SLC4A10: variants seen among roughly 807,000 people sequenced by gnomAD.
The protein encoded by SLC4A10 is sodium-driven chloride bicarbonate exchanger.
A neutral mutation model predicts 137.7 loss-of-function variants in SLC4A10; 42 were observed. The ratio of observed to expected loss-of-function variants is 0.30; its 90% confidence interval spans 0.24 to 0.39. The LOEUF (loss-of-function observed/expected upper bound fraction) is 0.39, where lower values mean the gene tolerates loss of function less well. Among genes scored for constraint, SLC4A10 ranks in the 10% least tolerant of loss-of-function variants. The pLI is 1.00. For missense variants in SLC4A10, 925 were observed against 1,355.0 expected, an observed-to-expected ratio of 0.68 and a Z score of 4.98; for synonymous variants, 474 against 464.1, an observed-to-expected ratio of 1.02 and a Z score of -0.27.
At chr2:161,685,748 G>A (rs551546020) in intron 1 of SLC4A10, among the ~76,000 whole-genome samples, 4 of 152,178 alleles carry the variant, frequency 2.6e-5, no homozygotes, top group African/African-American at 9.6e-5. Flanking sequence ...ACTTAACTGT[G>A]CTTTAACAGC....
chr2:161,846,203 G>A (rs207462598), intron 4 of SLC4A10, among the ~76,000 whole-genome samples: 5 of 152,164 alleles, frequency 3.3e-5, no homozygotes, highest in East Asian at 3.9e-4. Context: ...TACATATGGC[G>A]AATAGCACAT....
chr2:161,964,318 T>G lies in SLC4A10; in HGVS notation c.3036+10T>G, dbSNP rs777728515. ...TGTCTTTCCCATGATGGTATGAAAC[T>G]TCTGTCAACTATTTTTCTCTTTCTC... On this transcript the variant is annotated intron_variant, in intron 22 of 26. Transcript: ENST00000446997. 2.5e-6 allele frequency: 4 copies of G among 1,612,610 alleles called. No individual in the cohort carries two copies. The South Asian group carries it at 4.4e-5, about 18-fold the overall frequency.
At chr2:161,793,090 G>A (rs2054379142) in intron 2 of SLC4A10, among the ~76,000 whole-genome samples, 4 of 151,900 alleles carry the variant, frequency 2.6e-5, no homozygotes, top group Non-Finnish European at 5.9e-5. Flanking sequence ...TATTTTGAAT[G>A]TTCTCGTTTA....
chr2:161,750,089 A>G (rs1035107511), intron 1 of SLC4A10, among the ~76,000 whole-genome samples: 11 of 151,608 alleles, frequency 7.3e-5, no homozygotes, highest in Non-Finnish European at 1.0e-4. Flanking sequence ...GAGGTCTGTT[A>G]TAATGTCTTC....
rs1190305968 is a variant in SLC4A10, at chr2:161,624,498, A to T, written c.-21A>T. 6.4e-7 allele frequency: 1 copy of T among 1,552,728 alleles called. No individual in the cohort carries two copies. The highest frequency in any genetic ancestry group is 8.7e-7 in the Non-Finnish European group (1 of 1,147,596). ...GAAGACACTGCAGAGCAAGGTGCTT[A>T]TTCCAGAGGCGTTACAAAACATGGA... On this transcript the variant is annotated 5_prime_UTR_variant, in exon 1 of 27. Coordinates refer to ENST00000446997, the MANE Select transcript of SLC4A10 (RefSeq NM_001178015.2).
intron 1 of SLC4A10, among the ~76,000 whole-genome samples, chr2:161,749,469 A>G (rs1574745311): frequency 6.6e-6 from 1 of 151,914 alleles, no homozygotes; most frequent in Admixed American, 6.6e-5. Context: ...CATAAAAAGG[A>G]TGTTGATTTT....
At chr2:161,968,339 A>C (rs1697958049) in intron 23 of SLC4A10, among the ~76,000 whole-genome samples, 11 of 152,198 alleles carry the variant, frequency 7.2e-5, no homozygotes, top group Admixed American at 7.2e-4. Flanking sequence ...AACATATGTA[A>C]TCAGTGTCTA....
chr2:161,893,886 C>A (rs904359885), intron 10 of SLC4A10, among the ~76,000 whole-genome samples: 1 of 151,284 alleles, frequency 6.6e-6, no homozygotes, highest in African/African-American at 2.4e-5. Flanking sequence ...GGATTATGTC[C>A]CCCCATTGAA....
chr2:161,721,948 T>G (rs1261793699), intron 1 of SLC4A10, among the ~76,000 whole-genome samples: 2 of 152,226 alleles, frequency 1.3e-5, no homozygotes, highest in Non-Finnish European at 2.9e-5. Context: ...CTTCAAGCTC[T>G]GAGATTCTTT....
At chr2:161,635,332 T>C (rs1369198701) in intron 1 of SLC4A10, among the ~76,000 whole-genome samples, 3 of 151,910 alleles carry the variant, frequency 2.0e-5, no homozygotes, top group Non-Finnish European at 4.4e-5. Context: ...CTGGTGAAGG[T>C]TTTCTGGGCA....
chr2:161,775,719 T>G (rs1217680534), intron 2 of SLC4A10, among the ~76,000 whole-genome samples: 1 of 151,916 alleles, frequency 6.6e-6, no homozygotes, highest in African/African-American at 2.4e-5. Flanking sequence ...CAGTTCTCTC[T>G]TCATTGTTCA....
intron 1 of SLC4A10, among the ~76,000 whole-genome samples, chr2:161,728,425 A>G (rs970808212): frequency 6.6e-6 from 1 of 151,946 alleles, no homozygotes; most frequent in African/African-American, 2.4e-5. Flanking sequence ...AAAATACAAA[A>G]ATTAGCTGGG....
chr2:161,706,514 T>C (rs2043677162), intron 1 of SLC4A10, among the ~76,000 whole-genome samples: 1 of 151,582 alleles, frequency 6.6e-6, no homozygotes, highest in Non-Finnish European at 1.5e-5. Flanking sequence ...GTTCAGGCCA[T>C]CATCATCCCC....
chr2:161,898,912 A>G (rs1364672146), intron 11 of SLC4A10, among the ~76,000 whole-genome samples: 1 of 152,114 alleles, frequency 6.6e-6, no homozygotes, highest in African/African-American at 2.4e-5. Flanking sequence ...TTCCTAGTCC[A>G]ATCATTCTCA....
intron 1 of SLC4A10, among the ~76,000 whole-genome samples, chr2:161,748,525 T>C (rs772203721): frequency 7.2e-5 from 11 of 151,946 alleles, no homozygotes; most frequent in Non-Finnish European, 1.3e-4. Context: ...TTCTACCATT[T>C]GTTGAAAAGA....
chr2:161,703,957 C>T (rs190600995), intron 1 of SLC4A10, among the ~76,000 whole-genome samples: 4 of 151,674 alleles, frequency 2.6e-5, no homozygotes, highest in Admixed American at 6.6e-5. Flanking sequence ...GTGTTCTTTC[C>T]TAATAGCTTT....
At chr2:161,680,228 C>T (rs1464877958) in intron 1 of SLC4A10, among the ~76,000 whole-genome samples, 1 of 152,064 alleles carries the variant, frequency 6.6e-6, no homozygotes, top group Non-Finnish European at 1.5e-5. Context: ...CTCTACTGGA[C>T]TGTGAACTTA....
intron 1 of SLC4A10, among the ~76,000 whole-genome samples, chr2:161,687,825 C>T (rs1221338853): frequency 6.6e-6 from 1 of 152,200 alleles, no homozygotes; most frequent in Non-Finnish European, 1.5e-5. Context: ...CACTCATTCT[C>T]TCTCCTGCCA....
At chr2:161,668,810 G>T (rs2039376843) in intron 1 of SLC4A10, among the ~76,000 whole-genome samples, 1 of 151,782 alleles carries the variant, frequency 6.6e-6, no homozygotes, top group African/African-American at 2.4e-5. Flanking sequence ...ATTTCTAAAT[G>T]GATTAATTTA....
Sources: gnomAD v4.1 joint callset for allele counts (sites outside exome capture counted in the v4.1 genomes callset) on GRCh38, gnomAD v4.1.1 for gene constraint, MANE v1.5 for transcripts, NCBI Gene and HGNC (gene_info 2026-07-23, HGNC 2026-07-21) for gene names.